Variants in ILRUN observed in about 807,000 individuals in gnomAD.
ILRUN encodes the protein inflammation and lipid regulator with UBA-like and NBR1-like domains, also known as protein ILRUN.
In ILRUN, 3 loss-of-function variants were observed where a neutral mutation model predicts 33.8. The observed-to-expected ratio is 0.09, with a 90% CI of 0.04 to 0.23. The LOEUF (loss-of-function observed/expected upper bound fraction) is 0.23, where lower values mean the gene tolerates loss of function less well. Among genes scored for constraint, ILRUN ranks in the 10% least tolerant of loss-of-function variants. The pLI, the probability that ILRUN is intolerant of heterozygous loss-of-function variation, is 1.00. For missense variants in ILRUN, 210 were observed against 375.1 expected, an observed-to-expected ratio of 0.56 and a Z score of 3.64; for synonymous variants, 124 against 138.9, an observed-to-expected ratio of 0.89 and a Z score of 0.75.
chr6:34,667,834 G>C (rs947721683), intron 1 of ILRUN, among the ~76,000 whole-genome samples: 1 of 152,028 alleles, frequency 6.6e-6, no homozygotes, highest in African/African-American at 2.4e-5. Context: ...AAAGGCGAAG[G>C]AACTGTTCTA....
intron 4 of ILRUN, among the ~76,000 whole-genome samples, chr6:34,591,944 G>C (rs1175594678): frequency 6.6e-6 from 1 of 152,128 alleles, no homozygotes; most frequent in Non-Finnish European, 1.5e-5. Context: ...CACTTTCTAT[G>C]CTGCTTGGCT....
intron 4 of ILRUN, among the ~76,000 whole-genome samples, chr6:34,605,044 C>T (rs568711711): frequency 6.6e-6 from 1 of 152,288 alleles, no homozygotes; most frequent in Non-Finnish European, 1.5e-5. Context: ...CGGTGGCTCA[C>T]GCCTGTAATC....
chr6:34,639,645 C>T (rs751085463), intron 3 of ILRUN, among the ~76,000 whole-genome samples: 3 of 152,196 alleles, frequency 2.0e-5, no homozygotes, highest in Non-Finnish European at 4.4e-5. Flanking sequence ...AATGCCCACT[C>T]ACTCTGGAAG....
intron 4 of ILRUN, among the ~76,000 whole-genome samples, chr6:34,601,525 T>C (rs1326219964): frequency 6.6e-6 from 1 of 152,228 alleles, no homozygotes; most frequent in Non-Finnish European, 1.5e-5. Context: ...ACTACCTGCC[T>C]TCTGGTCAAA....
At chr6:34,609,530 C>T (rs182478754) in intron 3 of ILRUN, among the ~76,000 whole-genome samples, 16 of 151,608 alleles carry the variant, frequency 1.1e-4, no homozygotes, top group African/African-American at 3.4e-4. Context: ...TATCATACAA[C>T]CATAAAAACT....
intron 4 of ILRUN, among the ~76,000 whole-genome samples, chr6:34,605,107 G>A (rs974895473): frequency 3.3e-5 from 5 of 152,136 alleles, no homozygotes; most frequent in Non-Finnish European, 7.4e-5. Context: ...AAGAGTTACA[G>A]ACCAGCATGA....
intron 3 of ILRUN, among the ~76,000 whole-genome samples, chr6:34,611,335 T>C (rs1761749778): frequency 6.6e-6 from 1 of 152,122 alleles, no homozygotes; most frequent in Admixed American, 6.6e-5. Flanking sequence ...GCTCTGTACA[T>C]AGATTCTACA....
intron 4 of ILRUN, among the ~76,000 whole-genome samples, chr6:34,598,740 T>C (rs1050908737): frequency 2.0e-5 from 3 of 152,234 alleles, no homozygotes; most frequent in Non-Finnish European, 4.4e-5. Context: ...ATAGTAATGT[T>C]ACAAACAACA....
chr6:34,679,728 T>G (rs1192134793), intron 1 of ILRUN, among the ~76,000 whole-genome samples: 1 of 152,216 alleles, frequency 6.6e-6, no homozygotes. Flanking sequence ...TTTGCAGATG[T>G]AATCAGTTAA....
chr6:34,638,422 A>C (rs1427338773), intron 3 of ILRUN, among the ~76,000 whole-genome samples: 3 of 152,130 alleles, frequency 2.0e-5, no homozygotes, highest in Non-Finnish European at 4.4e-5. Flanking sequence ...TCTTATCAAA[A>C]ATGAAATTTG....
chr6:34,641,999 GGACAA>G (rs1421794971), intron 3 of ILRUN, among the ~76,000 whole-genome samples: 3 of 152,062 alleles, frequency 2.0e-5, no homozygotes, highest in Non-Finnish European at 4.4e-5. Flanking sequence ...GAGGCACTAA[GGACAA>G]GACATCAGTT....
At chr6:34,680,984 G>C (rs73413843) in intron 1 of ILRUN, among the ~76,000 whole-genome samples, 3,544 of 151,966 alleles carry the variant, frequency 0.023, 103 homozygotes, top group African/African-American at 0.064. Flanking sequence ...CCCTGTCACA[G>C]TTGCATGCAA....
Position 34,654,644 on chromosome 6 carries a change from T to C in ILRUN, c.294A>G (p.Thr98=), listed in dbSNP as rs7739387. The change falls in exon 2 of 5, where the codon ACA becomes ACG. Residue 98 remains threonine, a synonymous_variant. Transcript: ENST00000374023. ...ACTTACCAGAATTCTGGATCCGCCA[T>C]GTTTTTACAAACTGAGTATCCGGAG... The part of the protein sequence containing the change: ...SIPPDTQFVK[T]WRIQNSGAEA... 1.8e-3 allele frequency: 2,979 copies of C among 1,612,386 alleles called. 27 individuals are homozygous for C. The African/African-American group carries it at 0.021, about 11-fold the overall frequency.
intron 3 of ILRUN, among the ~76,000 whole-genome samples, chr6:34,645,326 G>A (rs1308630639): frequency 1.3e-5 from 2 of 152,114 alleles, no homozygotes; most frequent in Admixed American, 6.6e-5. Flanking sequence ...TTTCTGACCC[G>A]ATTATCTCAG....
intron 4 of ILRUN, among the ~76,000 whole-genome samples, chr6:34,598,890 A>G (rs1761454161): frequency 6.6e-6 from 1 of 152,230 alleles, no homozygotes; most frequent in Non-Finnish European, 1.5e-5. Flanking sequence ...AATCATCAAA[A>G]TATTAAGCCC....
At chr6:34,649,117 T>A (rs1762611475) in intron 2 of ILRUN, among the ~76,000 whole-genome samples, 1 of 152,222 alleles carries the variant, frequency 6.6e-6, no homozygotes, top group African/African-American at 2.4e-5. Context: ...TTAAAGAACC[T>A]CTGGGCTAGA....
intron 1 of ILRUN, among the ~76,000 whole-genome samples, chr6:34,657,265 G>A (rs1365962880): frequency 6.6e-6 from 1 of 152,166 alleles, no homozygotes; most frequent in Non-Finnish European, 1.5e-5. Context: ...ATGTTTTGGA[G>A]GGAAGAAACT....
intron 2 of ILRUN, among the ~76,000 whole-genome samples, chr6:34,650,868 C>T (rs988509659): frequency 1.1e-4 from 16 of 152,216 alleles, no homozygotes; most frequent in African/African-American, 3.6e-4. Flanking sequence ...GCCCAGCACG[C>T]CTAAAACATG....
At chr6:34,639,894 C>A (rs1020704072) in intron 3 of ILRUN, among the ~76,000 whole-genome samples, 2 of 152,106 alleles carry the variant, frequency 1.3e-5, no homozygotes, top group African/African-American at 2.4e-5. Flanking sequence ...GCTAATATTT[C>A]GCAAGGTAAC....
Sources: gnomAD v4.1 joint callset for allele counts (sites outside exome capture counted in the v4.1 genomes callset) on GRCh38, gnomAD v4.1.1 for gene constraint, MANE v1.5 for transcripts, NCBI Gene and HGNC (gene_info 2026-07-23, HGNC 2026-07-21) for gene names.